Variants in TMEM178B observed in about 807,000 individuals in gnomAD.
The protein encoded by TMEM178B is transmembrane protein 178B.
Under a neutral mutation model 31.0 loss-of-function variants are expected in TMEM178B, and 5 were observed. That is an observed-to-expected ratio of 0.16 (90% CI 0.08 to 0.34). The LOEUF (loss-of-function observed/expected upper bound fraction) is 0.34. Ranked by LOEUF, TMEM178B falls within the 10% of genes least tolerant of loss-of-function variation. The probability of loss-of-function intolerance (pLI) is 1.00; values close to 1 mark genes in which losing one functional copy is unlikely to be tolerated. For missense variants in TMEM178B, 275 were observed against 400.3 expected (o/e 0.69, Z 2.67); for synonymous variants, 164 against 164.0 (o/e 1.00, Z 0.00).
intron 1 of TMEM178B, among the ~76,000 whole-genome samples, chr7:141,162,805 AGT>A (rs1385544537): frequency 6.6e-6 from 1 of 152,184 alleles, no homozygotes. Flanking sequence ...AGCTCCAGAG[AGT>A]GTGTAGGCAG....
At chr7:141,137,932 G>C (rs1392653544) in intron 1 of TMEM178B, among the ~76,000 whole-genome samples, 14 of 152,182 alleles carry the variant, frequency 9.2e-5, no homozygotes, top group Admixed American at 9.2e-4. Flanking sequence ...ATGGAAGGGG[G>C]CTGCTGTAAG....
intron 2 of TMEM178B, among the ~76,000 whole-genome samples, chr7:141,360,963 A>G (rs1799908685): frequency 6.6e-6 from 1 of 152,214 alleles, no homozygotes. Flanking sequence ...CAAAGAGAAC[A>G]TTAATCACTG....
chr7:141,121,389 T>C (rs1243772375), intron 1 of TMEM178B, among the ~76,000 whole-genome samples: 1 of 152,158 alleles, frequency 6.6e-6, no homozygotes, highest in African/African-American at 2.4e-5. Context: ...GTAAGTTCCG[T>C]TTCCCCTTTG....
intron 2 of TMEM178B, chr7:141,415,506 G>A (rs1453232809): frequency 6.5e-6 from 1 of 152,748 alleles, no homozygotes; most frequent in Non-Finnish European, 1.5e-5. Context: ...AGGCTCACTT[G>A]ACTATGCCGA....
At chr7:141,291,718 G>A (rs217021) in intron 2 of TMEM178B, among the ~76,000 whole-genome samples, 2 of 151,912 alleles carry the variant, frequency 1.3e-5, no homozygotes, top group East Asian at 3.9e-4. Flanking sequence ...TGTGGGAAAT[G>A]TAGAGACAAC....
chr7:141,100,554 T>C (rs921712971), intron 1 of TMEM178B, among the ~76,000 whole-genome samples: 1 of 152,226 alleles, frequency 6.6e-6, no homozygotes, highest in Non-Finnish European at 1.5e-5. Context: ...TGTGTTTGTA[T>C]TATTTTAATT....
intron 2 of TMEM178B, among the ~76,000 whole-genome samples, chr7:141,227,576 C>A (rs868475256): frequency 6.6e-6 from 1 of 152,228 alleles, no homozygotes; most frequent in Non-Finnish European, 1.5e-5. Context: ...TCCTATGAGC[C>A]TTATGATGAC....
chr7:141,490,839 G>A, the TMEM178B span, among the ~76,000 whole-genome samples: 2 of 152,120 alleles, frequency 1.3e-5, no homozygotes, highest in Non-Finnish European at 1.5e-5. Flanking sequence ...GCCCTTTAAT[G>A]TGTTTTTTAA....
chr7:141,392,115 G>T (rs1277069505), intron 2 of TMEM178B, among the ~76,000 whole-genome samples: 1 of 151,722 alleles, frequency 6.6e-6, no homozygotes, highest in South Asian at 2.1e-4. Context: ...TTTTAGGCAT[G>T]TACAAAAGTT....
intron 2 of TMEM178B, among the ~76,000 whole-genome samples, chr7:141,319,715 T>C (rs1400791168): frequency 6.6e-6 from 1 of 152,200 alleles, no homozygotes; most frequent in Non-Finnish European, 1.5e-5. Flanking sequence ...TTTTGGTGTT[T>C]TTAGTAGAGA....
intron 2 of TMEM178B, among the ~76,000 whole-genome samples, chr7:141,215,337 A>ATTATTATTTTTTT (rs55726735): frequency 3.0e-4 from 43 of 141,542 alleles, no homozygotes; most frequent in Middle Eastern, 3.6e-3. Flanking sequence ...TATTATTATT[A>ATTATTATTTTTTT]TTTTTTGAGA....
intron 2 of TMEM178B, among the ~76,000 whole-genome samples, chr7:141,324,385 G>A (rs1325055351): frequency 7.2e-6 from 1 of 139,700 alleles, no homozygotes; most frequent in Non-Finnish European, 1.5e-5. Flanking sequence ...CAGATTGGAT[G>A]TGGAGTGTGA....
rs1436005254 is a variant in TMEM178B at position 141,476,255 on chromosome 7, T to C, written c.*5469T>C. 1 of 152,140 alleles carries C rather than the reference T, an allele frequency of 6.6e-6. No individual in the cohort carries two copies. Among genetic ancestry groups the C allele is most frequent in the Non-Finnish European group, 1.5e-5 (1 of 68,012 alleles). 9.4% of individuals were successfully genotyped at this position (152,140 alleles called of 1,614,324 possible). A position where few individuals can be genotyped will look rare whatever the true frequency, so the allele number is the denominator to read the frequency against. On this transcript the variant is annotated 3_prime_UTR_variant, in exon 4 of 4. Coordinates refer to ENST00000565468, the MANE Select transcript of TMEM178B (RefSeq NM_001195278.2). ...TCTTCATTCAGGTCCCCCAGAGAAA[T>C]TGGCTCCTTATTTTTCTTTACCTAT...
chr7:141,354,560 A>G (rs1355971077), intron 2 of TMEM178B, among the ~76,000 whole-genome samples: 2 of 152,210 alleles, frequency 1.3e-5, no homozygotes, highest in African/African-American at 4.8e-5. Flanking sequence ...CAGGCCTTGA[A>G]GTCTTTTCTT....
chr7:141,373,645 C>G (rs1397536321), intron 2 of TMEM178B, among the ~76,000 whole-genome samples: 1 of 152,138 alleles, frequency 6.6e-6, no homozygotes, highest in Non-Finnish European at 1.5e-5. Flanking sequence ...TACGGCCACC[C>G]TCCACCCCCC....
intron 2 of TMEM178B, among the ~76,000 whole-genome samples, chr7:141,218,058 G>A (rs182509589): frequency 2.0e-5 from 3 of 151,360 alleles, no homozygotes. Flanking sequence ...TTTCCCCTCC[G>A]AGACTTCCCT....
At chr7:141,280,209 T>G (rs1025017233) in intron 2 of TMEM178B, among the ~76,000 whole-genome samples, 2 of 152,216 alleles carry the variant, frequency 1.3e-5, no homozygotes, top group Admixed American at 6.5e-5. Flanking sequence ...ATGATTTTTT[T>G]TTTTCATTGA....
At chr7:141,220,595 G>T (rs1014170954) in intron 2 of TMEM178B, among the ~76,000 whole-genome samples, 1 of 152,046 alleles carries the variant, frequency 6.6e-6, no homozygotes, top group African/African-American at 2.4e-5. Flanking sequence ...AAACATCCAC[G>T]TCCTGAACAA....
chr7:141,150,211 A>G (rs574627521), intron 1 of TMEM178B, among the ~76,000 whole-genome samples: 1 of 152,318 alleles, frequency 6.6e-6, no homozygotes, highest in South Asian at 2.1e-4. Context: ...TAATGACAGT[A>G]AATGAAGTCA....
Sources: allele counts gnomAD v4.1 joint callset (sites outside exome capture counted in the v4.1 genomes callset), GRCh38; gene constraint gnomAD v4.1.1; transcripts MANE v1.5; gene names NCBI Gene and HGNC (gene_info 2026-07-23, HGNC 2026-07-21).